The following RNFT1 variants were observed in gnomAD, a reference collection of about 807,000 sequenced individuals.
RNFT1 encodes the protein E3 ubiquitin-protein ligase RNFT1.
RNFT1 carries 35 observed loss-of-function variants against 53.2 expected under a neutral mutation model. That is an observed-to-expected ratio of 0.66 (90% CI 0.50 to 0.87). RNFT1 has a LOEUF of 0.87. Among genes scored for constraint, RNFT1 ranks in the 40% least tolerant of loss-of-function variants. The pLI is 0.00. For synonymous variants in RNFT1, 141 were observed against 172.8 expected (o/e 0.82, Z 1.44); for missense variants, 421 against 515.0 (o/e 0.82, Z 1.77).
chr17:59,957,104 A>G (rs772559490), intron 6 of RNFT1, 120 bp downstream of exon 6: 8 of 970,526 alleles, frequency 8.2e-6, no homozygotes, highest in Non-Finnish European at 1.2e-5. Context: ...AGAACCTGCT[A>G]TTACTTCAAA....
At chr17:59,959,226 A>ACCACCATCCAGCC (rs1271399817) in intron 4 of RNFT1, among the ~76,000 whole-genome samples, 10 of 152,294 alleles carry the variant, frequency 6.6e-5, no homozygotes, top group African/African-American at 2.4e-4. Context: ...ATGAAATGAC[A>ACCACCATCCAGCC]CCACCATCCA....
chr17:59,956,583 A>T, intron 6 of RNFT1, 30 bp from the exon 7 acceptor site: 1 of 1,567,156 alleles, frequency 6.4e-7, no homozygotes, highest in Non-Finnish European at 8.8e-7. Flanking sequence ...ATCATTTATT[A>T]ATTCAAACAG....
At position 59,952,265 on chromosome 17, in the gene RNFT1, A is replaced by ATAGT. The variant is rs1301561421; in HGVS notation, c.*708_*711dup. 6 of 152,196 alleles carry ATAGT rather than the reference A, an allele frequency of 3.9e-5. No individual in the cohort carries two copies. Among genetic ancestry groups the ATAGT allele is most frequent in the African/African-American group, 1.4e-4 (6 of 41,446 alleles). The allele number at this position is 152,196 out of a possible 1,614,324, so 9.4% of individuals were successfully genotyped here. On this transcript the variant is annotated 3_prime_UTR_variant, in exon 9 of 9. Transcript: ENST00000305783. Reference sequence around the variant, plus strand: ...TTTATAATCCACATGAATTATTTTAATAGTTACTTCGAGATACTCCATGGT... The same window carrying ATAGT: ...TTTATAATCCACATGAATTATTTTAATAGTTAGTTACTTCGAGATACTCCATGGT...
At chr17:59,964,434 GCA>G (rs2045319274) in intron 1 of RNFT1, among the ~76,000 whole-genome samples, 172 bp downstream of exon 1, 2 of 152,178 alleles carry the variant, frequency 1.3e-5, no homozygotes, top group South Asian at 4.2e-4. Context: ...TTTCCTTCAT[GCA>G]CAGACAAGAA....
chr17:59,960,140 C>T lies in RNFT1; in HGVS notation c.620G>A (p.Trp207Ter), dbSNP rs777370580. ...RERSSKIQCA[W>*]LLVFLAGSSV... Reference sequence around the variant, plus strand: ...AGATCCTGCTAAGAATACCAGTAACCAAGCACACTGAATCTTTGAGGACCT... The same window carrying T: ...AGATCCTGCTAAGAATACCAGTAACTAAGCACACTGAATCTTTGAGGACCT... The change falls in exon 4 of 9, where the codon TGG becomes TAG. Residue 207 changes from tryptophan to a stop codon, truncating the protein, a stop_gained. Transcript: ENST00000305783. LOFTEE classifies it high-confidence loss of function. 1 of 1,606,754 alleles carries T rather than the reference C, an allele frequency of 6.2e-7. No individual in the cohort carries two copies.
intron 3 of RNFT1, among the ~76,000 whole-genome samples, chr17:59,961,005 C>A (rs747502332): frequency 5.9e-4 from 90 of 151,698 alleles, no homozygotes; most frequent in South Asian, 1.3e-3. Context: ...TTCTTCCCAA[C>A]TCAGCCTCCC....
intron 1 of RNFT1, among the ~76,000 whole-genome samples, chr17:59,964,322 C>G (rs2045318652): frequency 6.6e-6 from 1 of 152,172 alleles, no homozygotes; most frequent in Non-Finnish European, 1.5e-5. Flanking sequence ...AGGCTTTCAC[C>G]GAGGCCCCGA....
Position 59,953,124 on chromosome 17 carries a change from TAAG to T in RNFT1, c.1174-16_1174-14del, listed in dbSNP as rs1424235206. The T allele has an allele frequency of 6.3e-7, 1 of 1,579,440 alleles. No homozygotes were observed. Among genetic ancestry groups the T allele is most frequent in the African/African-American group, 1.4e-5 (1 of 73,944 alleles). On this transcript the variant is annotated splice_polypyrimidine_tract_variant and intron_variant, in intron 8 of 8. Coordinates refer to ENST00000305783, the MANE Select transcript of RNFT1 (RefSeq NM_016125.4). ...CACAAAATATATGCTGTAATGGAAT[TAAG>T]AATTAGATTTGATATTTGATAATCA...
chr17:59,959,886 G>A (rs2045277181), intron 4 of RNFT1, 182 bp downstream of exon 4: 1 of 450,798 alleles, frequency 2.2e-6, no homozygotes, highest in South Asian at 4.2e-5. Flanking sequence ...CTCCAGGCTG[G>A]GCGAGAGAGT....
chr17:59,953,937 C>A, intron 8 of RNFT1, 108 bp downstream of exon 8: 1 of 668,546 alleles, frequency 1.5e-6, no homozygotes, highest in Non-Finnish European at 2.5e-6. Flanking sequence ...CTACCTTCCA[C>A]TAAACACTAG....
At chr17:59,961,383 T>A (rs906848863) in intron 3 of RNFT1, among the ~76,000 whole-genome samples, 10 of 152,274 alleles carry the variant, frequency 6.6e-5, no homozygotes, top group African/African-American at 2.2e-4. Context: ...TTTACTAATT[T>A]TAAATCATTA....
intron 7 of RNFT1, 99 bp from the exon 8 acceptor site, chr17:59,954,245 A>G (rs767677025): frequency 8.3e-6 from 7 of 847,260 alleles, no homozygotes; most frequent in South Asian, 3.5e-5. Flanking sequence ...CCCTGGAACC[A>G]GGCATTTGAA....
At chr17:59,959,962 C>T in intron 4 of RNFT1, 106 bp downstream of exon 4, 1 of 882,310 alleles carries the variant, frequency 1.1e-6, no homozygotes, top group South Asian at 3.0e-5. Flanking sequence ...AAGTTAAAAA[C>T]TGAACTGAAC....
chr17:59,957,395 A>G lies in RNFT1; in HGVS notation c.847-13T>C, dbSNP rs749723913. On this transcript the variant is annotated splice_polypyrimidine_tract_variant and intron_variant, in intron 5 of 8. Transcript: ENST00000305783. ...TATACCAGTAACCCTAAAAAATAAG[A>G]AGAAAACAAATAGAGCTACCCAAAC... 4 of 1,600,030 alleles carry G rather than the reference A, an allele frequency of 2.5e-6. No homozygotes were observed. The Admixed American group carries it at 7.1e-5, about 28-fold the overall frequency.
In RNFT1 at chr17:59,956,525, G is replaced by A. The variant is rs2045255366; in HGVS notation, c.1034C>T (p.Thr345Ile). The A allele has an allele frequency of 6.2e-7, 1 of 1,612,500 alleles. No individual in the cohort carries two copies. The highest frequency in any genetic ancestry group is 1.7e-5 in the Admixed American group (1 of 59,844). ...AAATATTCGTAAAACCTGTCTGAAA[G>A]TTCTCAGATGCCCAAAAAATTCCAA... ...KLLEFFGHLR[T>I]FRQVLRIFFT... is the part of the protein sequence containing the mutation. The change falls in exon 7 of 9, where the codon ACT (threonine) becomes ATT (isoleucine). Residue 345 changes from threonine (T) to isoleucine (I), a missense_variant. Physicochemically the swap from Thr to Ile is moderately conservative, Grantham distance 89 (BLOSUM62 -1). Coordinates refer to ENST00000305783, the MANE Select transcript of RNFT1 (RefSeq NM_016125.4).
intron 3 of RNFT1, 29 bp downstream of exon 3, chr17:59,962,511 A>G (rs1156782877): frequency 2.2e-6 from 3 of 1,387,524 alleles, no homozygotes; most frequent in South Asian, 2.5e-5. Context: ...GAAACAGTTA[A>G]TAATTTTTTA....
intron 7 of RNFT1, among the ~76,000 whole-genome samples, chr17:59,954,806 A>G (rs2045243685): frequency 6.6e-6 from 1 of 152,236 alleles, no homozygotes; most frequent in Non-Finnish European, 1.5e-5. Flanking sequence ...AGAAACTGCA[A>G]CTGTAAATGT....
chr17:59,958,573 G>A (rs2045268255), intron 4 of RNFT1, 129 bp from the exon 5 acceptor site: 5 of 800,004 alleles, frequency 6.2e-6, no homozygotes, highest in Admixed American at 5.0e-5. Flanking sequence ...GGATGTCAGA[G>A]TTCACAATAA....
At chr17:59,953,320 C>T (rs1460775514) in intron 8 of RNFT1, among the ~76,000 whole-genome samples, 1 of 152,032 alleles carries the variant, frequency 6.6e-6, no homozygotes, top group African/African-American at 2.4e-5. Context: ...GCCTCAGCCT[C>T]CCAAGTTGCC....
Sources: allele counts gnomAD v4.1 joint callset (sites outside exome capture counted in the v4.1 genomes callset), GRCh38; gene constraint gnomAD v4.1.1; transcripts MANE v1.5; gene names NCBI Gene and HGNC (gene_info 2026-07-23, HGNC 2026-07-21).